Variants in PTBP2 observed in about 807,000 individuals in gnomAD.
PTBP2 encodes the protein polypyrimidine tract-binding protein 2.
In PTBP2, 13 loss-of-function variants were observed where a neutral mutation model predicts 61.4. That is an observed-to-expected ratio of 0.21 (90% CI 0.14 to 0.34). The LOEUF (loss-of-function observed/expected upper bound fraction) is 0.34, where lower values mean the gene tolerates loss of function less well. Among genes scored for constraint, PTBP2 ranks in the 10% least tolerant of loss-of-function variants. PTBP2 has a pLI of 1.00. For missense variants in PTBP2, 405 were observed against 642.6 expected (o/e 0.63, Z 4.00); for synonymous variants, 215 against 218.5 (o/e 0.98, Z 0.14).
intron 2 of PTBP2, among the ~76,000 whole-genome samples, chr1:96,724,037 T>C (rs1374432233): frequency 6.6e-6 from 1 of 152,172 alleles, no homozygotes; most frequent in African/African-American, 2.4e-5. Context: ...ATTACACTGA[T>C]CCTTAAAAAG....
At chr1:96,731,295 A>C (rs1270837650) in intron 2 of PTBP2, among the ~76,000 whole-genome samples, 2 of 152,184 alleles carry the variant, frequency 1.3e-5, no homozygotes, top group African/African-American at 4.8e-5. Flanking sequence ...ACAAGTGTGT[A>C]TGGGAGTGCC....
intron 2 of PTBP2, among the ~76,000 whole-genome samples, chr1:96,750,668 TATTA>T (rs1654428816): frequency 1.3e-5 from 2 of 152,064 alleles, no homozygotes; most frequent in African/African-American, 2.4e-5. Context: ...AATCAGCCAG[TATTA>T]ATTTAACCTA....
intron 9 of PTBP2, 92 bp from the exon 10 acceptor site, chr1:96,806,327 A>G (rs1471536474): frequency 1.9e-6 from 2 of 1,058,670 alleles, no homozygotes; most frequent in Non-Finnish European, 2.9e-6. Flanking sequence ...TGCGGGAACC[A>G]CCCTTCGTTA....
At chr1:96,757,140 T>C (rs529471888) in intron 3 of PTBP2, among the ~76,000 whole-genome samples, 2 of 152,348 alleles carry the variant, frequency 1.3e-5, no homozygotes, top group South Asian at 4.1e-4. Flanking sequence ...TGGATATTAC[T>C]GGTCTAAGTA....
intron 7 of PTBP2, among the ~76,000 whole-genome samples, chr1:96,783,133 A>G (rs903480402): frequency 2.6e-5 from 4 of 151,988 alleles, no homozygotes; most frequent in Admixed American, 1.3e-4. Context: ...TTGCAAATAC[A>G]TGAGCTTGAA....
At chr1:96,819,607 G>T (rs1662608653), downstream of PTBP2, 1 of 151,332 alleles carries the variant, frequency 6.6e-6, no homozygotes, top group Non-Finnish European at 1.5e-5. Context: ...ATAAATGATA[G>T]TGCATTTTAT....
At chr1:96,818,712 TC>T (rs1163699221), downstream of PTBP2, 3 of 152,110 alleles carry the variant, frequency 2.0e-5, no homozygotes, top group African/African-American at 7.2e-5. Flanking sequence ...CAAAGTTTTT[TC>T]CTGAGTGTGG....
At chr1:96,823,659 A>T (rs776714154) in exon 14 of PTBP2, 2 of 152,134 alleles carry the variant, frequency 1.3e-5, no homozygotes, top group African/African-American at 4.8e-5. Context: ...TTCACCATAC[A>T]TTACTACCTA....
downstream of PTBP2, chr1:96,818,861 T>C (rs991604346): frequency 7.9e-5 from 12 of 152,166 alleles, no homozygotes; most frequent in African/African-American, 2.4e-4. Context: ...ATGAATAGTT[T>C]AGCAACATAT....
At chr1:96,736,022 G>C (rs1241243821) in intron 2 of PTBP2, among the ~76,000 whole-genome samples, 1 of 152,172 alleles carries the variant, frequency 6.6e-6, no homozygotes, top group African/African-American at 2.4e-5. Context: ...TGCTTCATCA[G>C]CATGGGCATC....
chr1:96,813,177 T>TATAGAAATTTTTG (rs1420478856), intron 13 of PTBP2, 71 bp downstream of exon 13: 1 of 1,542,530 alleles, frequency 6.5e-7, no homozygotes, highest in Non-Finnish European at 8.8e-7. Flanking sequence ...TCTTTTCGTT[T>TATAGAAATTTTTG]ATAGAAATTT....
At chr1:96,806,763 G>C in intron 10 of PTBP2, 103 bp from the exon 11 acceptor site, 1 of 807,534 alleles carries the variant, frequency 1.2e-6, no homozygotes, top group Non-Finnish European at 2.1e-6. Flanking sequence ...TGATCATGTT[G>C]ATGTCTGAAT....
At chr1:96,792,594 CT>C (rs950485217) in intron 8 of PTBP2, among the ~76,000 whole-genome samples, 14 of 150,606 alleles carry the variant, frequency 9.3e-5, no homozygotes, top group Admixed American at 1.3e-4. Flanking sequence ...TTTTAGCTTG[CT>C]TTTTTTTTAC....
intron 1 of PTBP2, among the ~76,000 whole-genome samples, chr1:96,722,975 TAA>T (rs777935515): frequency 6.6e-6 from 1 of 152,224 alleles, no homozygotes; most frequent in Non-Finnish European, 1.5e-5. Flanking sequence ...GTACATTTAT[TAA>T]AATCAGTGAG....
chr1:96,805,732 A>G (rs990432127), intron 9 of PTBP2, among the ~76,000 whole-genome samples: 3 of 152,194 alleles, frequency 2.0e-5, no homozygotes, highest in Non-Finnish European at 2.9e-5. Flanking sequence ...TCCATTTAAT[A>G]CTATTATCAT....
At chr1:96,797,591 A>G (rs1660521282) in intron 8 of PTBP2, among the ~76,000 whole-genome samples, 1 of 152,128 alleles carries the variant, frequency 6.6e-6, no homozygotes, top group Non-Finnish European at 1.5e-5. Flanking sequence ...GGACACACAC[A>G]GTCCCATCCC....
Position 96,777,689 on chromosome 1 carries a change from A to G in PTBP2, c.537A>G (p.Pro179=), listed in dbSNP as rs994700981. The change falls in exon 6 of 14, where the codon CCA becomes CCG. Residue 179 remains proline (P), a synonymous_variant. Coordinates refer to ENST00000674951, the MANE Select transcript of PTBP2 (RefSeq NM_021190.4). ...GTGCAGTGACTCCAGCCCAGAGTCC[A>G]GTACTTAGAATAATTATTGACAACA... The part of the protein sequence containing the change: ...SESAVTPAQS[P]VLRIIIDNMY... The G allele has an allele frequency of 6.2e-7, 1 of 1,613,044 alleles. No individual in the cohort carries two copies. The highest frequency in any genetic ancestry group is 8.5e-7 in the Non-Finnish European group (1 of 1,179,378).
At chr1:96,751,355 G>A in intron 2 of PTBP2, 70 bp from the exon 3 acceptor site, 1 of 1,201,658 alleles carries the variant, frequency 8.3e-7, no homozygotes, top group Admixed American at 1.7e-5. Flanking sequence ...TGACATTTAA[G>A]TGAAAGGCTT....
chr1:96,818,708 T>G (rs1039638362), downstream of PTBP2: 4 of 152,094 alleles, frequency 2.6e-5, no homozygotes. Context: ...GCTTCAAAGT[T>G]TTTTCCTGAG....
Sources: gnomAD v4.1 joint callset for allele counts (sites outside exome capture counted in the v4.1 genomes callset) on GRCh38, gnomAD v4.1.1 for gene constraint, MANE v1.5 for transcripts, NCBI Gene and HGNC (gene_info 2026-07-23, HGNC 2026-07-21) for gene names.